BCAR3: variants seen among roughly 807,000 people sequenced by gnomAD.
The protein encoded by BCAR3 is breast cancer anti-estrogen resistance protein 3.
In BCAR3, 37 loss-of-function variants were observed where a neutral mutation model predicts 80.1. That is an observed-to-expected ratio of 0.46 (90% CI 0.36 to 0.61). BCAR3 has a LOEUF of 0.61. BCAR3 is among the 20% of genes least tolerant of loss of function. The pLI, the probability that BCAR3 is intolerant of heterozygous loss-of-function variation, is 0.00. For synonymous variants in BCAR3, 389 were observed against 418.9 expected (o/e 0.93, Z 0.87); for missense variants, 978 against 1,068.2 (o/e 0.92, Z 1.18).
In BCAR3 at chr1:93,563,946, G is replaced by C. The variant is rs186261098; in HGVS notation, c.2300-1527C>G. On this transcript the variant is annotated intron_variant, in intron 11 of 11. Coordinates refer to ENST00000260502, the MANE Select transcript of BCAR3 (RefSeq NM_003567.4). ...TGACCTCAGGTGATCCACCCGCCTC[G>C]ACCTCCCAAAGTGCTGGGATTACAG... 1.7e-3 allele frequency among the ~76,000 whole-genome samples: 253 copies of C among 152,024 alleles called. 1 individual carries two copies. Among genetic ancestry groups the C allele is most frequent in the African/African-American group, 5.8e-3 (239 of 41,476 alleles).
intron 2 of BCAR3, chr1:93,720,344 T>C (rs1650347405): frequency 6.6e-6 from 1 of 152,292 alleles, no homozygotes; most frequent in African/African-American, 2.4e-5. Flanking sequence ...AATTGTGAGA[T>C]ACTGCAGAAA....
chr1:93,648,029 C>T (rs1039837796), intron 2 of BCAR3, among the ~76,000 whole-genome samples: 1 of 152,156 alleles, frequency 6.6e-6, no homozygotes, highest in Non-Finnish European at 1.5e-5. Context: ...CCACCTCGGC[C>T]TCCCAAAGTG....
At chr1:93,649,118 G>A (rs927576674) in intron 2 of BCAR3, among the ~76,000 whole-genome samples, 5 of 152,224 alleles carry the variant, frequency 3.3e-5, no homozygotes, top group Admixed American at 3.3e-4. Flanking sequence ...ACTGCTGGAA[G>A]CAAAGGGCCC....
intron 2 of BCAR3, among the ~76,000 whole-genome samples, chr1:93,812,455 A>G (rs2100805991): frequency 6.6e-6 from 1 of 152,260 alleles, no homozygotes; most frequent in East Asian, 1.9e-4. Flanking sequence ...AATATGGTCC[A>G]AACTCCTGAC....
At position 93,584,117 on chromosome 1, in the gene BCAR3, T is replaced by C; in HGVS notation, c.934A>G (p.Lys312Glu). ...GCGGGCTGGCTACCACTCTTTTCTT[T>C]GTTTCTGAAGTAAAAGACACATAGG... ...NLPRGNLLRN[K>E]EKSGSQPACL... Residue 312 changes from lysine (K) to glutamate (E), a missense_variant, in exon 6 of 12, where the codon AAA (lysine) becomes GAA (glutamate). Coordinates refer to ENST00000260502, the MANE Select transcript of BCAR3 (RefSeq NM_003567.4). The C allele has an allele frequency of 6.2e-7, 1 of 1,614,014 alleles. No individual in the cohort carries two copies. The highest frequency in any genetic ancestry group is 1.1e-5 in the South Asian group (1 of 91,052).
chr1:93,756,368 A>G (rs555794078), intron 2 of BCAR3, among the ~76,000 whole-genome samples: 3 of 152,204 alleles, frequency 2.0e-5, no homozygotes, highest in South Asian at 4.1e-4. Context: ...TGGTCTAATA[A>G]TCAACACCCC....
Position 93,592,462 on chromosome 1 carries a change from C to A in BCAR3, c.358-69G>T. 1 of 1,508,258 alleles carries A rather than the reference C, an allele frequency of 6.6e-7. No homozygotes were observed. The highest frequency in any genetic ancestry group is 8.8e-7 in the Non-Finnish European group (1 of 1,136,324). 93.4% of individuals were successfully genotyped at this position (1,508,258 alleles called of 1,614,324 possible). ...ACCAGGCCATGCCAGCTGGAGGTGA[C>A]CGCCTGCTTCACTAATCCAACCAGT... On this transcript the variant is annotated intron_variant, in intron 3 of 11. Coordinates refer to ENST00000260502, the MANE Select transcript of BCAR3 (RefSeq NM_003567.4). The surrounding 1 kb of genome is among the most constrained non-coding windows in gnomAD (Gnocchi z 4.8).
intron 2 of BCAR3, among the ~76,000 whole-genome samples, chr1:93,810,477 C>T (rs1246445272): frequency 6.6e-6 from 1 of 152,154 alleles, no homozygotes; most frequent in Non-Finnish European, 1.5e-5. Flanking sequence ...AGGAAACTGG[C>T]CCACATCAGC....
rs915573298 is a variant in BCAR3, at chr1:93,753,556, A to G, written c.-62-47414T>C. The G allele has an allele frequency of 2.6e-3, 339 of 129,862 alleles. 2 individuals are homozygous for G. Among genetic ancestry groups the G allele is most frequent in the African/African-American group, 0.011 (338 of 30,004 alleles). The allele number at this position is 129,862 out of a possible 1,614,324, so 8.0% of individuals were successfully genotyped here. On this transcript the variant is annotated intron_variant, in intron 2 of 13. Coordinates refer to the BCAR3 transcript ENST00000370244. ...TATGCACGCGGGTACACACACACAC[A>G]CACACACACACACACACACACACAC... is the stretch of plus-strand genomic sequence containing the variant.
intron 3 of BCAR3, among the ~76,000 whole-genome samples, chr1:93,624,204 G>A (rs749952781): frequency 2.6e-5 from 4 of 152,186 alleles, no homozygotes; most frequent in Non-Finnish European, 5.9e-5. Context: ...TCAGCTCCTG[G>A]AGGATGTTTC....
chr1:93,646,371 G>A (rs924419638), intron 2 of BCAR3: 3 of 152,098 alleles, frequency 2.0e-5, no homozygotes, highest in African/African-American at 7.2e-5. Context: ...GGGAGGCCGG[G>A]GCATGTGGAT....
chr1:93,793,262 C>A (rs1182995847), intron 2 of BCAR3, among the ~76,000 whole-genome samples: 1 of 58,648 alleles, frequency 1.7e-5, no homozygotes, highest in African/African-American at 1.2e-4. Flanking sequence ...TGGTAGAATT[C>A]GGCTGTGAAT....
At chr1:93,742,916 T>C (rs1218791238) in intron 2 of BCAR3, among the ~76,000 whole-genome samples, 1 of 152,230 alleles carries the variant, frequency 6.6e-6, no homozygotes, top group Non-Finnish European at 1.5e-5. Flanking sequence ...AGAAAGGGCA[T>C]GTGTTGAAAT....
chr1:93,843,179 A>G (rs937841728), intron 2 of BCAR3, among the ~76,000 whole-genome samples: 3 of 152,226 alleles, frequency 2.0e-5, no homozygotes, highest in Non-Finnish European at 4.4e-5. Flanking sequence ...GAGGAATTGA[A>G]GCTGAAGGTA....
intron 2 of BCAR3, among the ~76,000 whole-genome samples, chr1:93,729,370 T>G (rs768262335): frequency 6.6e-6 from 1 of 152,116 alleles, no homozygotes; most frequent in African/African-American, 2.4e-5. Flanking sequence ...TCTCATGTAG[T>G]TTATTAAATA....
intron 2 of BCAR3, chr1:93,845,502 A>ATATATATCTCATATCTCATGTTGTCAAG: frequency 8.8e-6 from 1 of 113,822 alleles, no homozygotes; most frequent in Non-Finnish European, 1.8e-5. Flanking sequence ...ATATATATAT[A>ATATATATCTCATATCTCATGTTGTCAAG]AAACTTTGTT....
chr1:93,567,226 C>T, intron 11 of BCAR3, 53 bp downstream of exon 11: 1 of 1,584,552 alleles, frequency 6.3e-7, no homozygotes, highest in Non-Finnish European at 8.6e-7. Context: ...TCCATTCCTT[C>T]ATTTCAATTA....
intron 3 of BCAR3, among the ~76,000 whole-genome samples, chr1:93,623,823 T>C (rs1017820304): frequency 2.6e-5 from 4 of 152,168 alleles, no homozygotes; most frequent in Non-Finnish European, 4.4e-5. Context: ...ATTATGTGTA[T>C]AAAATGTGAT....
At chr1:93,603,402 C>G (rs539160076) in intron 3 of BCAR3, among the ~76,000 whole-genome samples, 13 of 152,352 alleles carry the variant, frequency 8.5e-5, no homozygotes, top group Middle Eastern at 3.4e-3. Flanking sequence ...GAAAGGGTGT[C>G]TTACTCTTAT....
Sources: allele counts gnomAD v4.1 joint callset (sites outside exome capture counted in the v4.1 genomes callset), GRCh38; gene constraint gnomAD v4.1.1; non-coding constraint Gnocchi (gnomAD v3.1); transcripts MANE v1.5; gene names NCBI Gene and HGNC (gene_info 2026-07-23, HGNC 2026-07-21).